The following VPS13B variants were observed in gnomAD, a reference collection of about 807,000 sequenced individuals.
VPS13B encodes vacuolar protein sorting 13 homolog B.
Under a neutral mutation model 426.4 loss-of-function variants are expected in VPS13B, and 285 were observed. The ratio of observed to expected loss-of-function variants is 0.67; its 90% CI spans 0.61 to 0.74. The LOEUF is 0.74. VPS13B is among the 30% of genes least tolerant of loss of function. The pLI is 0.00. For missense variants in VPS13B, 4,537 were observed against 4,782.6 expected (o/e 0.95, Z 1.51); for synonymous variants, 1,676 against 1,676.4 (o/e 1.00, Z 0.01).
intron 17 of VPS13B, among the ~76,000 whole-genome samples, chr8:99,260,396 A>C (rs1286230203): frequency 6.6e-6 from 1 of 151,694 alleles, no homozygotes; most frequent in Non-Finnish European, 1.5e-5. Flanking sequence ...CTCTAAGTAG[A>C]CACATTGTGG....
In VPS13B at chr8:99,442,413, T is replaced by C; in HGVS notation, c.3223T>C (p.Ser1075Pro). The C allele has an allele frequency of 1.2e-6, 2 of 1,613,770 alleles. No individual in the cohort carries two copies. The highest frequency in any genetic ancestry group is 1.7e-6 in the Non-Finnish European group (2 of 1,179,702). ...TTTTCTTTTCTAGCTTGAAGTACAA[T>C]CTTGTTGTGTGTTTATTCCAAATGA... Reference protein sequence around the residue: ...KHLTLQLEVQSCCVFIPNDSL... With the variant: ...KHLTLQLEVQPCCVFIPNDSL... Residue 1075 changes from serine to proline, a missense_variant, in exon 23 of 62, where the codon TCT (serine) becomes CCT (proline). Transcript: ENST00000357162.
At chr8:99,529,303 A>G (rs1273100693) in intron 30 of VPS13B, among the ~76,000 whole-genome samples, 3 of 152,126 alleles carry the variant, frequency 2.0e-5, no homozygotes, top group East Asian at 1.9e-4. Flanking sequence ...TGTACTCTGC[A>G]TAGTATTCTT....
intron 5 of VPS13B, among the ~76,000 whole-genome samples, chr8:99,109,925 G>A (rs994315702): frequency 6.6e-6 from 1 of 152,114 alleles, no homozygotes; most frequent in East Asian, 1.9e-4. Context: ...TTATCATAAA[G>A]AGAGGGAAGG....
intron 39 of VPS13B, among the ~76,000 whole-genome samples, chr8:99,754,895 C>T (rs1810563342): frequency 6.6e-6 from 1 of 152,122 alleles, no homozygotes; most frequent in Non-Finnish European, 1.5e-5. Flanking sequence ...CCCCATGCCC[C>T]CACTCCCTGC....
intron 27 of VPS13B, among the ~76,000 whole-genome samples, chr8:99,504,028 C>T (rs1821371107): frequency 1.3e-5 from 2 of 152,244 alleles, no homozygotes; most frequent in South Asian, 2.1e-4. Context: ...ATGTGATCCC[C>T]AGTGTTGGAG....
chr8:99,224,066 A>G (rs1815881098), intron 17 of VPS13B, among the ~76,000 whole-genome samples: 1 of 152,202 alleles, frequency 6.6e-6, no homozygotes, highest in Non-Finnish European at 1.5e-5. Flanking sequence ...GAGCTCTCTC[A>G]GGAATACTCT....
At chr8:99,722,958 T>C (rs1345156567) in intron 39 of VPS13B, among the ~76,000 whole-genome samples, 1 of 152,238 alleles carries the variant, frequency 6.6e-6, no homozygotes, top group African/African-American at 2.4e-5. Flanking sequence ...TTAACATAAG[T>C]GTAATAACTA....
Position 99,642,476 on chromosome 8 carries a change from G to C in VPS13B, c.5886G>C (p.Val1962=). The part of the protein sequence containing the change: ...VSIFDAVLKG[V]ASDYKCIDPG... ...TTTTTGATGCTGTGCTTAAAGGGGT[G>C]GCCTCTGATTACAAATGTATAGGTA... The change falls in exon 34 of 62, where the codon GTG becomes GTC. Residue 1962 remains valine (V), a synonymous_variant. Coordinates refer to ENST00000357162, the MANE Select transcript of VPS13B (RefSeq NM_152564.5). The C allele has an allele frequency of 6.2e-7, 1 of 1,613,442 alleles. No homozygotes were observed. The highest frequency in any genetic ancestry group is 8.5e-7 in the Non-Finnish European group (1 of 1,179,906).
At chr8:99,294,602 G>A (rs1819932890) in intron 19 of VPS13B, among the ~76,000 whole-genome samples, 1 of 151,990 alleles carries the variant, frequency 6.6e-6, no homozygotes, top group African/African-American at 2.4e-5. Flanking sequence ...ATATGGCATA[G>A]CTAAGACAAG....
intron 22 of VPS13B, among the ~76,000 whole-genome samples, chr8:99,439,012 A>G (rs1817547401): frequency 6.6e-6 from 1 of 152,134 alleles, no homozygotes; most frequent in Admixed American, 6.5e-5. Flanking sequence ...TATCAATGCT[A>G]TAATTTCCCC....
At chr8:99,157,229 CT>C (rs1173311266) in intron 15 of VPS13B, among the ~76,000 whole-genome samples, 1 of 148,572 alleles carries the variant, frequency 6.7e-6, no homozygotes, top group African/African-American at 2.5e-5. Context: ...TCATGCATTA[CT>C]TTATTGTACT....
At chr8:99,103,497 T>C (rs1846875125) in intron 5 of VPS13B, among the ~76,000 whole-genome samples, 1 of 134,658 alleles carries the variant, frequency 7.4e-6, no homozygotes, top group Admixed American at 7.3e-5. Context: ...GCCCGGCTTT[T>C]TTTTTTTTTT....
chr8:99,040,812 T>C (rs531882509), intron 3 of VPS13B, among the ~76,000 whole-genome samples: 1 of 152,252 alleles, frequency 6.6e-6, no homozygotes, highest in East Asian at 1.9e-4. Flanking sequence ...TAGGAATGTA[T>C]TGAAGTATGA....
At chr8:99,172,366 C>G (rs1480563449) in intron 16 of VPS13B, among the ~76,000 whole-genome samples, 1 of 152,080 alleles carries the variant, frequency 6.6e-6, no homozygotes, top group African/African-American at 2.4e-5. Context: ...TGGATATAAT[C>G]TGAAAGAGCA....
At chr8:99,592,801 C>G (rs1406734127) in intron 33 of VPS13B, among the ~76,000 whole-genome samples, 1 of 152,074 alleles carries the variant, frequency 6.6e-6, no homozygotes, top group Non-Finnish European at 1.5e-5. Flanking sequence ...CTGACAACAA[C>G]AAGCAATAGG....
chr8:99,076,315 T>A (rs1845118813), intron 3 of VPS13B, among the ~76,000 whole-genome samples: 2 of 152,184 alleles, frequency 1.3e-5, no homozygotes, highest in African/African-American at 4.8e-5. Flanking sequence ...TGCTGATGAG[T>A]CGAATGTGTA....
intron 43 of VPS13B, among the ~76,000 whole-genome samples, chr8:99,793,152 T>G (rs879764708): frequency 1.1e-4 from 16 of 149,280 alleles, no homozygotes; most frequent in South Asian, 4.2e-4. Context: ...TGCAGAGAGC[T>G]GAGATCATGC....
intron 40 of VPS13B, among the ~76,000 whole-genome samples, chr8:99,775,137 G>A (rs1811677220): frequency 6.6e-6 from 1 of 152,098 alleles, no homozygotes; most frequent in South Asian, 2.1e-4. Context: ...TTCCACCCTG[G>A]CAGCACTTCC....
At chr8:99,502,547 A>G (rs1352459375) in intron 26 of VPS13B, among the ~76,000 whole-genome samples, 2 of 152,190 alleles carry the variant, frequency 1.3e-5, no homozygotes, top group Non-Finnish European at 2.9e-5. Context: ...ATTTTCCTCA[A>G]TGGTCATATT....
Sources: allele counts gnomAD v4.1 joint callset (sites outside exome capture counted in the v4.1 genomes callset), GRCh38; gene constraint gnomAD v4.1.1; transcripts MANE v1.5; gene names NCBI Gene and HGNC (gene_info 2026-07-23, HGNC 2026-07-21).